Variants in VPS13A observed in about 807,000 individuals in gnomAD.
VPS13A encodes vacuolar protein sorting 13 homolog A.
A neutral mutation model predicts 390.9 loss-of-function variants in VPS13A; 264 were observed. That is an observed-to-expected ratio of 0.68 (90% CI 0.61 to 0.75). The LOEUF (loss-of-function observed/expected upper bound fraction) is 0.75, where lower values mean the gene tolerates loss of function less well. Among genes scored for constraint, VPS13A ranks in the 30% least tolerant of loss-of-function variants. The pLI, the probability that VPS13A is intolerant of heterozygous loss-of-function variation, is 0.00. For synonymous variants in VPS13A, 1,231 were observed against 1,227.1 expected (o/e 1.00, Z -0.07); for missense variants, 3,409 against 3,733.9 (o/e 0.91, Z 2.27).
rs1835179808 is a variant in VPS13A at position 77,416,726 on chromosome 9, A to G, written c.*720A>G. 1 of 152,604 alleles carries G rather than the reference A, an allele frequency of 6.6e-6. No individual in the cohort carries two copies. Among genetic ancestry groups the G allele is most frequent in the Non-Finnish European group, 1.5e-5 (1 of 68,046 alleles). The allele number at this position is 152,604 out of a possible 1,614,324, so 9.5% of individuals were successfully genotyped here. A position where few individuals can be genotyped will look rare whatever the true frequency, so the allele number is the denominator to read the frequency against. On this transcript the variant is annotated 3_prime_UTR_variant, in exon 72 of 72. Coordinates refer to ENST00000360280, the MANE Select transcript of VPS13A (RefSeq NM_033305.3). ...TTTAGGGCCTTTGAAATATTTCCTC[A>G]AGCCTATTTCATGAGATCTACTTGG...
At chr9:77,386,956 G>A (rs987650076) in intron 68 of VPS13A, among the ~76,000 whole-genome samples, 6 of 151,674 alleles carry the variant, frequency 4.0e-5, no homozygotes, top group East Asian at 1.9e-4. Context: ...CGCCTGCCTC[G>A]GCCTCCCAAG....
At chr9:77,225,835 T>G (rs1050487796) in intron 13 of VPS13A, 91 bp from the exon 14 acceptor site, 1 of 956,508 alleles carries the variant, frequency 1.0e-6, no homozygotes, top group African/African-American at 1.6e-5. Context: ...ATATCTTTTC[T>G]TTAGTGCAGC....
chr9:77,215,606 A>T (rs1822819295), intron 10 of VPS13A, among the ~76,000 whole-genome samples: 2 of 152,234 alleles, frequency 1.3e-5, no homozygotes, highest in African/African-American at 4.8e-5. Flanking sequence ...CAACTATAAG[A>T]GGAGACTGGA....
intron 19 of VPS13A, among the ~76,000 whole-genome samples, chr9:77,243,026 AT>A (rs1283600936): frequency 6.6e-6 from 1 of 151,882 alleles, no homozygotes; most frequent in African/African-American, 2.4e-5. Flanking sequence ...TATATTTTGG[AT>A]TTTTTCTAGA....
intron 3 of VPS13A, among the ~76,000 whole-genome samples, chr9:77,201,986 A>G (rs920519421): frequency 1.3e-5 from 2 of 152,126 alleles, no homozygotes; most frequent in Admixed American, 1.3e-4. Context: ...CTTGTGTTAC[A>G]GTTTTACTGG....
intron 68 of VPS13A, chr9:77,385,217 C>T: frequency 4.6e-6 from 4 of 872,672 alleles, no homozygotes; most frequent in Non-Finnish European, 5.5e-6. Context: ...TGTTCTATCC[C>T]CAAATCATAT....
At chr9:77,399,004 CTG>C (rs1834237538) in intron 68 of VPS13A, among the ~76,000 whole-genome samples, 2 of 92,612 alleles carry the variant, frequency 2.2e-5, no homozygotes, top group Admixed American at 1.7e-4. Context: ...ATATCACACT[CTG>C]GGGACTGTGG....
In VPS13A at chr9:77,241,028, G is replaced by A. The variant is rs143522130; in HGVS notation, c.1900+2642G>A. On this transcript the variant is annotated intron_variant, in intron 19 of 71. Coordinates refer to ENST00000360280, the MANE Select transcript of VPS13A (RefSeq NM_033305.3). ...TAGATTTGCTTTATATATCCTTTTT[G>A]GGATTCACTGGATTTCATGAATCTG... Among the ~76,000 whole-genome samples the A allele has an allele frequency of 5.0e-4, 76 of 151,572 alleles. No homozygotes were observed. The East Asian group carries it at 0.012, about 24-fold the overall frequency.
intron 55 of VPS13A, among the ~76,000 whole-genome samples, chr9:77,357,372 A>ATGC (rs1831866923): frequency 6.7e-6 from 1 of 149,258 alleles, no homozygotes; most frequent in African/African-American, 2.5e-5. Context: ...AAGATACTAG[A>ATGC]TGCTAATGAT....
intron 9 of VPS13A, 56 bp from the exon 10 acceptor site, chr9:77,214,273 C>T: frequency 6.6e-7 from 1 of 1,512,460 alleles, no homozygotes; most frequent in Non-Finnish European, 9.2e-7. Flanking sequence ...GAGACTCCAT[C>T]TCAAAAAAAG....
At chr9:77,323,514 T>G (rs1829855074) in intron 45 of VPS13A, among the ~76,000 whole-genome samples, 1 of 152,132 alleles carries the variant, frequency 6.6e-6, no homozygotes, top group South Asian at 2.1e-4. Context: ...GTCTTTGTAA[T>G]GTATTTATAT....
At chr9:77,316,508 C>G (rs1564722386) in intron 39 of VPS13A, 102 bp downstream of exon 39, 1 of 951,696 alleles carries the variant, frequency 1.1e-6, no homozygotes, top group Non-Finnish European at 1.7e-6. Flanking sequence ...CAACCTTGCT[C>G]TGTAAAATGT....
chr9:77,370,506 A>G lies in VPS13A; in HGVS notation c.8835A>G (p.Arg2945=). 6.2e-7 allele frequency: 1 copy of G among 1,614,156 alleles called. No individual in the cohort carries two copies. Among genetic ancestry groups the G allele is most frequent in the Non-Finnish European group, 8.5e-7 (1 of 1,180,032 alleles). ...MTMDEDYQQK[R]REAMNKQPAG... ...TGGATGAAGACTACCAACAGAAGAG[A>G]AGAGAAGCCATGAATAAGCAACCAG... The change falls in exon 65 of 72, where the codon AGA becomes AGG. Residue 2945 remains arginine (R), a synonymous_variant. Transcript: ENST00000360280.
At chr9:77,221,845 C>T (rs1371417875) in intron 13 of VPS13A, among the ~76,000 whole-genome samples, 1 of 152,068 alleles carries the variant, frequency 6.6e-6, no homozygotes, top group Non-Finnish European at 1.5e-5. Context: ...TCTACTCATC[C>T]CTGAAGTTCT....
rs778895810 is a variant in VPS13A, at chr9:77,213,029, GTAAA to G, written c.615+8_615+11del. On this transcript the variant is annotated splice_donor_variant and splice_donor_5th_base_variant and intron_variant, in intron 8 of 71. Coordinates refer to ENST00000360280, the MANE Select transcript of VPS13A (RefSeq NM_033305.3). LOFTEE classifies it high-confidence loss of function. ...TGAAACTGAGAAACTGGTTCGTAAGGTAAATAAATACTGTGTTTGTCAACTCATG... is the reference window on the plus strand; with the variant it reads ...TGAAACTGAGAAACTGGTTCGTAAGGTAAATACTGTGTTTGTCAACTCATG... 1.2e-6 allele frequency: 2 copies of G among 1,613,662 alleles called. No individual in the cohort carries two copies. Among genetic ancestry groups the G allele is most frequent in the Middle Eastern group, 3.3e-4 (2 of 6,080 alleles).
rs1835161512 is a variant in VPS13A at position 77,416,132 on chromosome 9, A to G, written c.*126A>G. The G allele has an allele frequency of 8.9e-7, 1 of 1,118,696 alleles. No individual in the cohort carries two copies. Among genetic ancestry groups the G allele is most frequent in the Non-Finnish European group, 1.3e-6 (1 of 765,812 alleles). The allele number at this position is 1,118,696 out of a possible 1,614,324, so 69.3% of individuals were successfully genotyped here. ...TACCCTGTATTCTGGATGCTAAAAAACAAAAACAAACAAAAAAACAAAAAC... is the reference window on the plus strand; with the variant it reads ...TACCCTGTATTCTGGATGCTAAAAAGCAAAAACAAACAAAAAAACAAAAAC... On this transcript the variant is annotated 3_prime_UTR_variant, in exon 72 of 72. Coordinates refer to ENST00000360280, the MANE Select transcript of VPS13A (RefSeq NM_033305.3).
chr9:77,370,231 CATTT>C (rs1563966883), intron 63 of VPS13A, 22 bp from the exon 64 acceptor site: 16 of 1,611,896 alleles, frequency 9.9e-6, no homozygotes, highest in Non-Finnish European at 1.4e-5. Flanking sequence ...CTCACTCACT[CATTT>C]ATTTACTATT....
chr9:77,356,179 A>G (rs1831769074), intron 54 of VPS13A, among the ~76,000 whole-genome samples: 1 of 152,194 alleles, frequency 6.6e-6, no homozygotes, highest in East Asian at 1.9e-4. Context: ...TCTTCTTCAT[A>G]TACTGCAAGT....
intron 53 of VPS13A, among the ~76,000 whole-genome samples, chr9:77,351,847 G>C (rs111271067): frequency 6.6e-6 from 1 of 152,004 alleles, no homozygotes; most frequent in Non-Finnish European, 1.5e-5. Context: ...CCAGCCTGGC[G>C]ACAGAGCAAG....
Sources: gnomAD v4.1 joint callset for allele counts (sites outside exome capture counted in the v4.1 genomes callset) on GRCh38, gnomAD v4.1.1 for gene constraint, MANE v1.5 for transcripts, NCBI Gene and HGNC (gene_info 2026-07-23, HGNC 2026-07-21) for gene names.